Variants in DNAH17 observed in about 807,000 individuals in gnomAD.
DNAH17 encodes dynein axonemal heavy chain 17, also known as axonemal beta dynein heavy chain 17.
Under a neutral mutation model 485.6 loss-of-function variants are expected in DNAH17, and 376 were observed. The ratio of observed to expected loss-of-function variants is 0.77; its 90% confidence interval spans 0.71 to 0.84. DNAH17 has a LOEUF of 0.84. Among genes scored for constraint, DNAH17 ranks in the 40% least tolerant of loss-of-function variants. The pLI is 0.00. For synonymous variants in DNAH17, 3,031 were observed against 2,405.9 expected, an observed-to-expected ratio of 1.26 and a Z score of -7.60; for missense variants, 6,370 against 5,839.3, an observed-to-expected ratio of 1.09 and a Z score of -2.96.
In DNAH17 at chr17:78,572,734, C is replaced by CAT; in HGVS notation, c.505_506insAT (p.Gly169AspfsTer41). ...GGACTCCAGCGTGCCATCCAGGCTG[C>CAT]CCAGGTGCTCCGGAATAGGCAGCAA... On this transcript the variant is annotated frameshift_variant, in exon 3 of 81. Coordinates refer to ENST00000389840, the MANE Select transcript of DNAH17 (RefSeq NM_173628.4). LOFTEE classifies it high-confidence loss of function. The CAT allele has an allele frequency of 6.2e-7, 1 of 1,611,212 alleles. No individual in the cohort carries two copies.
intron 67 of DNAH17, 92 bp from the exon 68 acceptor site, chr17:78,450,486 G>A (rs1301865169): frequency 3.2e-5 from 49 of 1,531,844 alleles, no homozygotes; most frequent in Non-Finnish European, 4.2e-5. Flanking sequence ...CTCGCTCCCT[G>A]GGAAGCCACC....
At chr17:78,538,874 C>T (rs2091448910) in intron 18 of DNAH17, among the ~76,000 whole-genome samples, 1 of 152,128 alleles carries the variant, frequency 6.6e-6, no homozygotes, top group Non-Finnish European at 1.5e-5. Flanking sequence ...TTGTTGGTAG[C>T]CTGGGGGAGC....
In DNAH17 at chr17:78,552,819, G is replaced by T. The variant is rs771341871; in HGVS notation, c.2179-14C>A. ...TATAGTCTTTATCTGAAAAACAGAG[G>T]TGACAGGTTTTGTTCCGAGTCCAAC... On this transcript the variant is annotated splice_polypyrimidine_tract_variant and intron_variant, in intron 14 of 80. Coordinates refer to ENST00000389840, the MANE Select transcript of DNAH17 (RefSeq NM_173628.4). The T allele has an allele frequency of 3.2e-6, 5 of 1,582,984 alleles. No individual in the cohort carries two copies. Among genetic ancestry groups the T allele is most frequent in the African/African-American group, 2.7e-5 (2 of 74,292 alleles).
chr17:78,507,231 G>C, intron 29 of DNAH17, 47 bp downstream of exon 29: 1 of 1,601,860 alleles, frequency 6.2e-7, no homozygotes, highest in Non-Finnish European at 8.5e-7. Context: ...AAGACTTAGG[G>C]AATCTGCACC....
chr17:78,501,475 C>T, intron 34 of DNAH17, 131 bp from the exon 35 acceptor site: 1 of 1,180,400 alleles, frequency 8.5e-7, no homozygotes, highest in Non-Finnish European at 1.2e-6. Context: ...TTTCCCCCTC[C>T]AGCACCCACA....
intron 51 of DNAH17, among the ~76,000 whole-genome samples, chr17:78,478,005 TCAC>T (rs2089132661): frequency 1.1e-5 from 1 of 90,116 alleles, no homozygotes; most frequent in Non-Finnish European, 1.9e-5. Context: ...ACCACCATCA[TCAC>T]CATCATCACC....
At chr17:78,568,945 G>C (rs1030182309) in intron 9 of DNAH17, among the ~76,000 whole-genome samples, 2 of 152,200 alleles carry the variant, frequency 1.3e-5, no homozygotes, top group African/African-American at 4.8e-5. Context: ...GAGATAAGGG[G>C]AGAAGCACCC....
chr17:78,539,898 C>T lies in DNAH17; in HGVS notation c.2533-18G>A. 6.4e-7 allele frequency: 1 copy of T among 1,551,058 alleles called. No homozygotes were observed. Among genetic ancestry groups the T allele is most frequent in the Non-Finnish European group, 8.7e-7 (1 of 1,150,282 alleles). ...GCGTTTTCCTGCAAACAGAAGCGCA[C>T]AGTTGGGCCTCACTTCACTGGCTGT... On this transcript the variant is annotated intron_variant, in intron 17 of 80. Coordinates refer to ENST00000389840, the MANE Select transcript of DNAH17 (RefSeq NM_173628.4).
chr17:78,441,704 G>A (rs632058), intron 71 of DNAH17, among the ~76,000 whole-genome samples: 86,797 of 152,016 alleles, frequency 0.57, 26,260 homozygotes, highest in East Asian at 0.8. Flanking sequence ...ATGTTCTGGC[G>A]GTCTTTGGAT....
chr17:78,465,497 CCGGCCGCCA>C (rs2088384260), intron 56 of DNAH17, among the ~76,000 whole-genome samples: 3 of 21,008 alleles, frequency 1.4e-4, no homozygotes, highest in Admixed American at 1.1e-3. Context: ...ACACCTCTTC[CCGGCCGCCA>C]TCACATCTAG....
intron 49 of DNAH17, among the ~76,000 whole-genome samples, chr17:78,480,013 C>CT (rs370344478): frequency 0.042 from 2,923 of 70,366 alleles, 973 homozygotes; most frequent in Non-Finnish European, 0.066. Flanking sequence ...ACAACAAGTA[C>CT]TTTTTTTTTT....
chr17:78,449,984 T>C, intron 68 of DNAH17: 1 of 511,528 alleles, frequency 2.0e-6, no homozygotes, highest in East Asian at 3.3e-5. Context: ...CCATCCAGTT[T>C]GTTTTGATTG....
At chr17:78,575,707 C>T (rs575141259) in intron 1 of DNAH17, among the ~76,000 whole-genome samples, 60 of 152,076 alleles carry the variant, frequency 3.9e-4, no homozygotes, top group African/African-American at 1.4e-3. Flanking sequence ...CTCAGATGCT[C>T]GGGGGTAGGG....
chr17:78,424,151 C>T lies in DNAH17; in HGVS notation c.13144G>A (p.Ala4382Thr). ...ACTCCAGTCTGGGTGTCCCAGCGAG[C>T]CCCTGCAGGGACAGTATGGCTGAGG... ...SYVYGLFMEGARWDTQTGVIA... is the reference protein window; with the variant it reads ...SYVYGLFMEGTRWDTQTGVIA... The change falls in exon 81 of 81, where the codon GCT becomes ACT. Residue 4382 changes from alanine (A) to threonine (T), a missense_variant and splice_region_variant. Transcript: ENST00000389840. The T allele has an allele frequency of 6.2e-7, 1 of 1,609,632 alleles. No homozygotes were observed.
In DNAH17 at chr17:78,503,999, C is replaced by CAA. The variant is rs11369436; in HGVS notation, c.4957-990_4957-989dup. ...AACAAACAAACAAAAAACAAATGAA[C>CAA]AAAAAAAAAACCATACTCACAAAAG... On this transcript the variant is annotated intron_variant, in intron 31 of 80. Coordinates refer to ENST00000389840, the MANE Select transcript of DNAH17 (RefSeq NM_173628.4). Among the ~76,000 whole-genome samples the CAA allele has an allele frequency of 2.2e-3, 323 of 146,674 alleles. 2 individuals carry two copies. Among genetic ancestry groups the CAA allele is most frequent in the South Asian group, 0.015 (69 of 4,618 alleles).
At chr17:78,510,191 A>G (rs1441340518) in intron 27 of DNAH17, among the ~76,000 whole-genome samples, 193 bp downstream of exon 27, 1 of 151,996 alleles carries the variant, frequency 6.6e-6, no homozygotes, top group Non-Finnish European at 1.5e-5. Flanking sequence ...CAAAAACAAT[A>G]AAAAATAATA....
intron 33 of DNAH17, 118 bp from the exon 34 acceptor site, chr17:78,501,991 G>A (rs1272023624): frequency 4.8e-6 from 7 of 1,451,552 alleles, no homozygotes; most frequent in Middle Eastern, 1.8e-4. Flanking sequence ...TTACAGTAAT[G>A]AAAAACAAGA....
At position 78,486,242 on chromosome 17, in the gene DNAH17, G is replaced by A. The variant is rs141022219; in HGVS notation, c.7083C>T (p.Gly2361=). 2.0e-5 allele frequency: 31 copies of A among 1,589,684 alleles called. No individual in the cohort carries two copies. In the East Asian group the frequency reaches 2.5e-4, roughly 13 times the overall value. ...FVFTCFWAFG[G]AMFQDQLVDY... ...GCATCACCTGGTCCTGGAACATGGC[G>A]CCACCGAAGGCCCAGAAGCAGGTGA... The change falls in exon 45 of 81, where the codon GGC becomes GGT. Residue 2361 remains glycine (G), a synonymous_variant. Coordinates refer to ENST00000389840, the MANE Select transcript of DNAH17 (RefSeq NM_173628.4).
In DNAH17 at chr17:78,472,910, T is replaced by C. The variant is rs573341513; in HGVS notation, c.8511+2368A>G. ...TAGAACACTACCACATCCTGCCCGC[T>C]CTATCCCCTGATCAGACATCTTGAT... On this transcript the variant is annotated intron_variant, in intron 54 of 80. Transcript: ENST00000389840. 14 of 314,582 alleles carry C rather than the reference T, an allele frequency of 4.5e-5. No individual in the cohort carries two copies. In the East Asian group the frequency reaches 1.9e-3, roughly 42 times the overall value. The allele number at this position is 314,582 out of a possible 1,614,324, so 19.5% of individuals were successfully genotyped here.
Sources: gnomAD v4.1 joint callset for allele counts (sites outside exome capture counted in the v4.1 genomes callset) on GRCh38, gnomAD v4.1.1 for gene constraint, MANE v1.5 for transcripts, NCBI Gene and HGNC (gene_info 2026-07-23, HGNC 2026-07-21) for gene names.